Variants in ICA1 observed in about 807,000 individuals in gnomAD.
The protein encoded by ICA1 is 69 kDa islet cell autoantigen.
A neutral mutation model predicts 71.0 loss-of-function variants in ICA1; 40 were observed. The ratio of observed to expected loss-of-function variants is 0.56; its 90% CI spans 0.44 to 0.73. The LOEUF (loss-of-function observed/expected upper bound fraction) is 0.73, where lower values mean the gene tolerates loss of function less well. ICA1 is among the 30% of genes least tolerant of loss of function. The pLI is 0.00. For synonymous variants in ICA1, 207 were observed against 209.5 expected (o/e 0.99, Z 0.10); for missense variants, 578 against 576.5 (o/e 1.00, Z -0.03).
chr7:8,160,237 T>C (rs1425407619), intron 6 of ICA1, among the ~76,000 whole-genome samples: 2 of 152,252 alleles, frequency 1.3e-5, no homozygotes, highest in Admixed American at 1.3e-4. Context: ...TTATATAAAA[T>C]ACATTCATTT....
At chr7:8,151,744 C>T (rs967876711) in intron 8 of ICA1, among the ~76,000 whole-genome samples, 12 of 152,072 alleles carry the variant, frequency 7.9e-5, no homozygotes, top group Non-Finnish European at 1.6e-4. Flanking sequence ...AAGAAGGCTG[C>T]GAGGCATATG....
At chr7:8,163,639 G>A (rs1166438372) in intron 6 of ICA1, among the ~76,000 whole-genome samples, 1 of 152,172 alleles carries the variant, frequency 6.6e-6, no homozygotes, top group Admixed American at 6.5e-5. Context: ...CCGAGGACAT[G>A]GTGCTCAACC....
At chr7:8,165,447 C>T (rs530004821) in intron 6 of ICA1, among the ~76,000 whole-genome samples, 121 of 152,280 alleles carry the variant, frequency 7.9e-4, no homozygotes, top group African/African-American at 2.8e-3. Context: ...CTCAGCATTC[C>T]CCTTGAAAAC....
intron 1 of ICA1, among the ~76,000 whole-genome samples, chr7:8,242,272 G>A (rs1289859478): frequency 1.3e-5 from 2 of 152,062 alleles, no homozygotes; most frequent in African/African-American, 4.8e-5. Flanking sequence ...CACTCAAAAT[G>A]ACACAACTAC....
chr7:8,149,479 A>C (rs1424666774), intron 8 of ICA1, among the ~76,000 whole-genome samples: 8 of 152,266 alleles, frequency 5.3e-5, no homozygotes, highest in African/African-American at 1.4e-4. Flanking sequence ...AAACTCGCAG[A>C]TCGAGCTTGC....
intron 6 of ICA1, among the ~76,000 whole-genome samples, chr7:8,171,099 TTTGC>T (rs1384150559): frequency 6.6e-6 from 1 of 151,922 alleles, no homozygotes; most frequent in African/African-American, 2.4e-5. Flanking sequence ...TAGCTTGTAG[TTTGC>T]TTTTCTTATA....
chr7:8,258,712 T>C (rs1266251290), intron 1 of ICA1, among the ~76,000 whole-genome samples: 1 of 152,248 alleles, frequency 6.6e-6, no homozygotes, highest in East Asian at 1.9e-4. Context: ...GAGAGATTCA[T>C]TAGTTATTTG....
intron 6 of ICA1, among the ~76,000 whole-genome samples, chr7:8,209,324 C>T (rs1313477136): frequency 6.6e-6 from 1 of 151,984 alleles, no homozygotes; most frequent in East Asian, 1.9e-4. Context: ...TATTACAAAA[C>T]ATGCTTAATT....
At chr7:8,133,034 G>A (rs1792057085) in intron 12 of ICA1, among the ~76,000 whole-genome samples, 1 of 152,218 alleles carries the variant, frequency 6.6e-6, no homozygotes. Context: ...TTTAAGAGGT[G>A]ATTGGGTCAT....
chr7:8,115,344 T>C (rs970324865), intron 13 of ICA1, among the ~76,000 whole-genome samples: 4 of 152,146 alleles, frequency 2.6e-5, no homozygotes, highest in Admixed American at 2.6e-4. Context: ...TGTAGCTTAG[T>C]TGGAGGGGGA....
intron 1 of ICA1, among the ~76,000 whole-genome samples, chr7:8,247,446 T>C (rs1336865611): frequency 2.6e-5 from 4 of 151,418 alleles, no homozygotes; most frequent in Non-Finnish European, 4.4e-5. Context: ...GGTGACAGAG[T>C]GAGATCCTGT....
At chr7:8,119,180 C>A (rs765763263) in intron 13 of ICA1, among the ~76,000 whole-genome samples, 1 of 152,148 alleles carries the variant, frequency 6.6e-6, no homozygotes, top group East Asian at 1.9e-4. Context: ...TTATGCTCTT[C>A]GATCCTATGG....
At chr7:8,156,416 T>G (rs560419802) in intron 8 of ICA1, 1 of 153,568 alleles carries the variant, frequency 6.5e-6, no homozygotes, top group Non-Finnish European at 1.4e-5. Context: ...CCCACTGTTC[T>G]CTCATCATCC....
At chr7:8,190,777 T>C (rs1472255877) in intron 6 of ICA1, among the ~76,000 whole-genome samples, 1 of 152,216 alleles carries the variant, frequency 6.6e-6, no homozygotes. Context: ...CTATTTTTGG[T>C]TTGTGAAGTT....
At chr7:8,231,581 G>A (rs1445741639) in intron 3 of ICA1, among the ~76,000 whole-genome samples, 6 of 152,266 alleles carry the variant, frequency 3.9e-5, no homozygotes, top group African/African-American at 1.4e-4. Context: ...ACGAGGATAT[G>A]AGAAACTGGG....
rs1004869830 is a variant in ICA1 at position 8,113,239 on chromosome 7, C to T, written c.*684G>A. 6 of 150,708 alleles carry T rather than the reference C, an allele frequency of 4.0e-5. No homozygotes were observed. The highest frequency in any genetic ancestry group is 1.5e-4 in the African/African-American group (6 of 41,062). 9.3% of individuals were successfully genotyped at this position (150,708 alleles called of 1,614,324 possible). On this transcript the variant is annotated 3_prime_UTR_variant, in exon 14 of 14. Transcript: ENST00000402384. This position sits in a 1 kb window ranked among gnomAD's most constrained non-coding sequence, Gnocchi z 4.2. ...TAAAAAAAAAAAAAAAACAATGTCA[C>T]AAGAGGCTTCAGAAATACATGCTTT...
intron 6 of ICA1, among the ~76,000 whole-genome samples, chr7:8,182,694 A>G (rs76571080): frequency 0.012 from 1,820 of 152,318 alleles, 11 homozygotes; most frequent in Middle Eastern, 0.017. Flanking sequence ...TGACCAGCAG[A>G]TCTAACACTC....
chr7:8,145,418 A>G (rs550107436), intron 8 of ICA1, among the ~76,000 whole-genome samples: 41 of 152,014 alleles, frequency 2.7e-4, no homozygotes, highest in African/African-American at 9.9e-4. Context: ...AAAATGCTCT[A>G]TTTGTTTATC....
chr7:8,135,490 A>T (rs989803039), intron 12 of ICA1, among the ~76,000 whole-genome samples: 7 of 152,210 alleles, frequency 4.6e-5, no homozygotes, highest in Non-Finnish European at 1.0e-4. Context: ...GTTCATGAGA[A>T]AAGAGAAGGC....
Sources: gnomAD v4.1 joint callset for allele counts (sites outside exome capture counted in the v4.1 genomes callset) on GRCh38, gnomAD v4.1.1 for gene constraint, Gnocchi (gnomAD v3.1) non-coding constraint, MANE v1.5 for transcripts, NCBI Gene and HGNC (gene_info 2026-07-23, HGNC 2026-07-21) for gene names.